The following AGMO variants were observed in gnomAD, a reference collection of about 807,000 sequenced individuals.
The protein encoded by AGMO is alkylglycerol monooxygenase.
In AGMO, 75 loss-of-function variants were observed where a neutral mutation model predicts 60.2. The ratio of observed to expected loss-of-function variants is 1.25; its 90% confidence interval spans 1.03 to 1.51. AGMO has a LOEUF of 1.51. Among genes scored for constraint, AGMO ranks in the 40% most tolerant of loss-of-function variants. The pLI, the probability that AGMO is intolerant of heterozygous loss-of-function variation, is 0.00. For missense variants in AGMO, 763 were observed against 525.5 expected, an observed-to-expected ratio of 1.45 and a Z score of -4.42; for synonymous variants, 261 against 177.1, an observed-to-expected ratio of 1.47 and a Z score of -3.76.
At chr7:15,468,569 T>C (rs1401574175) in intron 3 of AGMO, among the ~76,000 whole-genome samples, 3 of 152,100 alleles carry the variant, frequency 2.0e-5, no homozygotes, top group Non-Finnish European at 4.4e-5. Flanking sequence ...AAATCATATA[T>C]ATATGATTTT....
At chr7:15,175,535 G>A in the AGMO span, among the ~76,000 whole-genome samples, 7 of 151,450 alleles carry the variant, frequency 4.6e-5, no homozygotes, top group Non-Finnish European at 1.0e-4. Flanking sequence ...TTTATTTTTG[G>A]CTCTTTTATT....
At chr7:15,469,433 G>C (rs1220846764) in intron 3 of AGMO, among the ~76,000 whole-genome samples, 1 of 152,092 alleles carries the variant, frequency 6.6e-6, no homozygotes, top group South Asian at 2.1e-4. Flanking sequence ...ATAAATCTAT[G>C]TACTGTACCA....
the AGMO span, among the ~76,000 whole-genome samples, chr7:15,147,848 C>T: frequency 6.6e-6 from 1 of 152,126 alleles, no homozygotes; most frequent in Non-Finnish European, 1.5e-5. Context: ...AAAAAAAATA[C>T]TGAAACATAA....
At chr7:15,161,204 A>G in the AGMO span, among the ~76,000 whole-genome samples, 1 of 152,324 alleles carries the variant, frequency 6.6e-6, no homozygotes, top group African/African-American at 2.4e-5. Context: ...CCAAATCACA[A>G]GAGATTCATA....
intron 3 of AGMO, among the ~76,000 whole-genome samples, chr7:15,493,334 A>AAC (rs144549105): frequency 0.024 from 1,658 of 70,350 alleles, 60 homozygotes; most frequent in Middle Eastern, 0.046. Context: ...AAACACACAA[A>AAC]ACACACACAC....
At chr7:15,192,657 T>C in the AGMO span, among the ~76,000 whole-genome samples, 1 of 152,138 alleles carries the variant, frequency 6.6e-6, no homozygotes, top group Non-Finnish European at 1.5e-5. Flanking sequence ...TGATTAACAC[T>C]TAGCCATCCC....
At chr7:15,294,729 T>G (rs1223988766) in intron 12 of AGMO, among the ~76,000 whole-genome samples, 1 of 151,948 alleles carries the variant, frequency 6.6e-6, no homozygotes, top group African/African-American at 2.4e-5. Context: ...TGAGAATTGT[T>G]CGAGACTTAT....
At chr7:15,539,954 C>T (rs1784580806) in intron 3 of AGMO, among the ~76,000 whole-genome samples, 3 of 152,006 alleles carry the variant, frequency 2.0e-5, no homozygotes, top group African/African-American at 7.3e-5. Context: ...GAGGAGGCTG[C>T]CTGTATCAGT....
At chr7:15,431,322 C>G (rs1781233293) in intron 3 of AGMO, among the ~76,000 whole-genome samples, 1 of 151,700 alleles carries the variant, frequency 6.6e-6, no homozygotes. Context: ...GAAAGCATAG[C>G]CAATAAATAT....
the AGMO span, among the ~76,000 whole-genome samples, chr7:15,162,262 A>G: frequency 3.9e-5 from 6 of 152,174 alleles, no homozygotes; most frequent in Non-Finnish European, 8.8e-5. Flanking sequence ...AGTCTCAGGT[A>G]GTATATTTAT....
intron 5 of AGMO, among the ~76,000 whole-genome samples, chr7:15,399,101 G>T (rs978908914): frequency 6.6e-6 from 1 of 152,022 alleles, no homozygotes; most frequent in African/African-American, 2.4e-5. Flanking sequence ...GTATTTTAGG[G>T]ATTTTTGCTG....
chr7:15,352,988 G>T (rs1007163713), intron 12 of AGMO, among the ~76,000 whole-genome samples: 12 of 152,034 alleles, frequency 7.9e-5, no homozygotes, highest in East Asian at 7.7e-4. Flanking sequence ...TGTCGGATGC[G>T]CAGGTCATAA....
intron 3 of AGMO, among the ~76,000 whole-genome samples, chr7:15,535,768 A>G (rs76385267): frequency 0.07 from 10,566 of 151,954 alleles, 533 homozygotes; most frequent in African/African-American, 0.14. Flanking sequence ...ATCACTACAC[A>G]TATTTATCCT....
intron 12 of AGMO, among the ~76,000 whole-genome samples, chr7:15,208,288 T>C (rs1781491020): frequency 6.6e-6 from 1 of 152,254 alleles, no homozygotes; most frequent in East Asian, 1.9e-4. Context: ...CCAAATATCA[T>C]TTGTGAGAAG....
chr7:15,471,268 G>C (rs894797725), intron 3 of AGMO, among the ~76,000 whole-genome samples: 3 of 151,850 alleles, frequency 2.0e-5, no homozygotes, highest in Non-Finnish European at 4.4e-5. Context: ...GTAGACAGAG[G>C]TAATACTCTG....
chr7:15,371,750 C>T (rs886713354), intron 10 of AGMO, among the ~76,000 whole-genome samples: 3 of 151,856 alleles, frequency 2.0e-5, no homozygotes, highest in African/African-American at 7.3e-5. Flanking sequence ...ACCACATTGT[C>T]CAGGCTGGTC....
At chr7:15,440,807 C>T (rs1206393748) in intron 3 of AGMO, among the ~76,000 whole-genome samples, 3 of 152,168 alleles carry the variant, frequency 2.0e-5, no homozygotes, top group African/African-American at 7.2e-5. Context: ...ACTTTATTGT[C>T]CAATCTATTA....
At chr7:15,171,771 T>C in the AGMO span, among the ~76,000 whole-genome samples, 97 of 152,308 alleles carry the variant, frequency 6.4e-4, no homozygotes, top group African/African-American at 2.2e-3. Flanking sequence ...ACTCCATGCC[T>C]TTTATCTTTC....
chr7:15,291,483 T>C (rs931470343), intron 12 of AGMO, among the ~76,000 whole-genome samples: 4 of 152,202 alleles, frequency 2.6e-5, no homozygotes, highest in Admixed American at 6.5e-5. Flanking sequence ...TTTTTAAATT[T>C]GGAAAGTATT....
Sources: allele counts gnomAD v4.1 joint callset (sites outside exome capture counted in the v4.1 genomes callset), GRCh38; gene constraint gnomAD v4.1.1; transcripts MANE v1.5; gene names NCBI Gene and HGNC (gene_info 2026-07-23, HGNC 2026-07-21).